HDAC4: variants seen among roughly 807,000 people sequenced by gnomAD.
HDAC4 encodes histone deacetylase A.
In HDAC4, 16 loss-of-function variants were observed where a neutral mutation model predicts 135.1. That is an observed-to-expected ratio of 0.12 (90% CI 0.08 to 0.18). HDAC4 has a LOEUF of 0.18. Ranked by LOEUF, HDAC4 falls within the 10% of genes least tolerant of loss-of-function variation. The pLI, the probability that HDAC4 is intolerant of heterozygous loss-of-function variation, is 1.00. For missense variants in HDAC4, 1,143 were observed against 1,511.8 expected, an observed-to-expected ratio of 0.76 and a Z score of 4.05; for synonymous variants, 685 against 653.4, an observed-to-expected ratio of 1.05 and a Z score of -0.74.
rs1196283967 is a variant in HDAC4, at chr2:239,049,147, CTAGA to C, written c.*3946_*3949del. 2.6e-5 allele frequency: 4 copies of C among 152,332 alleles called. No homozygotes were observed. The highest frequency in any genetic ancestry group is 7.2e-5 in the African/African-American group (3 of 41,440). The allele number at this position is 152,332 out of a possible 1,614,324, so 9.4% of individuals were successfully genotyped here. A position where few individuals can be genotyped will look rare whatever the true frequency, so the allele number is the denominator to read the frequency against. ...CTCTATTATTGGTATGTCACAAGTG[CTAGA>C]TAAACTTTTTTTCTTAATATGACAA... On this transcript the variant is annotated 3_prime_UTR_variant, in exon 27 of 27. Transcript: ENST00000543185.
chr2:239,352,667 C>G lies in HDAC4; in HGVS notation c.22+11G>C. 1 of 1,554,560 alleles carries G rather than the reference C, an allele frequency of 6.4e-7. No homozygotes were observed. ...CGCTGTGTGCCCAGAGAAGAAATGA[C>G]CCGGCCTTACCTGGATGGCTTTGGG... On this transcript the variant is annotated intron_variant, in intron 2 of 26. Coordinates refer to ENST00000543185, the MANE Select transcript of HDAC4 (RefSeq NM_001378414.1). This position sits in a 1 kb window ranked among gnomAD's most constrained non-coding sequence, Gnocchi z 4.4.
intron 24 of HDAC4, among the ~76,000 whole-genome samples, chr2:239,057,726 G>A (rs143258872): frequency 2.0e-4 from 30 of 152,350 alleles, no homozygotes; most frequent in African/African-American, 6.7e-4. Flanking sequence ...AGCTGGGGAA[G>A]TTGACCACAT....
intron 2 of HDAC4, among the ~76,000 whole-genome samples, chr2:239,310,194 A>G (rs2052803355): frequency 6.6e-6 from 1 of 152,144 alleles, no homozygotes; most frequent in South Asian, 2.1e-4. Context: ...AGAACACAAT[A>G]CTTCTTATTA....
At chr2:239,275,151 G>A (rs1446587407) in intron 2 of HDAC4, among the ~76,000 whole-genome samples, 1 of 149,970 alleles carries the variant, frequency 6.7e-6, no homozygotes, top group African/African-American at 2.5e-5. Context: ...GGGGAAGAAA[G>A]GGTGGGGGCC....
rs531413146 is a variant in HDAC4 at position 239,192,710 on chromosome 2, C to T, written c.95-2633G>A. ...CGCGTTCATGGCTGTGATTGGCACG[C>T]GGTTCTCCTGGGACCAGTGCCCTGC... On this transcript the variant is annotated intron_variant, in intron 3 of 26. Coordinates refer to ENST00000543185, the MANE Select transcript of HDAC4 (RefSeq NM_001378414.1). 5.9e-5 allele frequency among the ~76,000 whole-genome samples: 9 copies of T among 152,306 alleles called. No individual in the cohort carries two copies. In the East Asian group the frequency reaches 1.2e-3, roughly 20 times the overall value.
intron 2 of HDAC4, among the ~76,000 whole-genome samples, chr2:239,338,048 T>C (rs888653193): frequency 2.6e-5 from 4 of 152,014 alleles, no homozygotes; most frequent in Non-Finnish European, 5.9e-5. Context: ...TCTGCAGCCT[T>C]GAAGGTGAGG....
intron 22 of HDAC4, 197 bp downstream of exon 22, chr2:239,080,898 G>A (rs2035249942): frequency 8.4e-6 from 5 of 593,232 alleles, no homozygotes; most frequent in Non-Finnish European, 1.5e-5. Flanking sequence ...AGCACTAAGA[G>A]CTGATGGTAA....
At chr2:239,312,909 C>T (rs749222503) in intron 2 of HDAC4, among the ~76,000 whole-genome samples, 5 of 152,204 alleles carry the variant, frequency 3.3e-5, no homozygotes, top group Admixed American at 6.5e-5. Flanking sequence ...CTCTGAAGAC[C>T]GCTCCAGCTC....
intron 7 of HDAC4, among the ~76,000 whole-genome samples, chr2:239,150,431 C>T (rs1451777632): frequency 6.6e-6 from 1 of 151,962 alleles, no homozygotes; most frequent in East Asian, 1.9e-4. Flanking sequence ...ACACACCCCA[C>T]ACACAGAAAC....
chr2:239,252,537 C>A (rs2048841038), intron 2 of HDAC4, among the ~76,000 whole-genome samples: 1 of 152,156 alleles, frequency 6.6e-6, no homozygotes, highest in Non-Finnish European at 1.5e-5. Context: ...AGAGAAAAAT[C>A]AAAAGGCACG....
At position 239,073,011 on chromosome 2, in the gene HDAC4, C is replaced by A. The variant is rs1023588142; in HGVS notation, c.2751-4404G>T. 4.6e-5 allele frequency among the ~76,000 whole-genome samples: 7 copies of A among 152,276 alleles called. No individual in the cohort carries two copies. The East Asian group carries it at 1.4e-3, about 30-fold the overall frequency. ...AGCACGCGGTGCCTGATCCTGGTGC[C>A]CCGCGTCCCATGAGCAAGCTCAGAC... is the stretch of plus-strand genomic sequence containing the variant. On this transcript the variant is annotated intron_variant, in intron 22 of 26. Coordinates refer to ENST00000543185, the MANE Select transcript of HDAC4 (RefSeq NM_001378414.1).
At chr2:239,206,241 T>C (rs960225318) in intron 3 of HDAC4, among the ~76,000 whole-genome samples, 2 of 152,164 alleles carry the variant, frequency 1.3e-5, no homozygotes, top group Non-Finnish European at 2.9e-5. Context: ...GGCGGGAAGA[T>C]GGCCTGAGCG....
Position 239,115,653 on chromosome 2 carries a change from A to G in HDAC4, c.1534-343T>C, listed in dbSNP as rs116314610. On this transcript the variant is annotated intron_variant, in intron 12 of 26. Transcript: ENST00000543185. The surrounding 1 kb of genome is among the most constrained non-coding windows in gnomAD (Gnocchi z 6.3). ...CAGGTGTCAACAGAGTCTGCAGAGG[A>G]GAGCTTGAGTGTGAAGGGGAGAGGC... Among the ~76,000 whole-genome samples, 1,229 of 152,204 alleles carry G rather than the reference A, an allele frequency of 8.1e-3. 14 individuals are homozygous for G. The highest frequency in any genetic ancestry group is 0.028 in the African/African-American group (1,176 of 41,544).
intron 2 of HDAC4, among the ~76,000 whole-genome samples, chr2:239,339,208 G>A (rs1692137542): frequency 6.6e-6 from 1 of 152,202 alleles, no homozygotes; most frequent in South Asian, 2.1e-4. Flanking sequence ...GTCATAAGAG[G>A]GTCTGGGGTT....
chr2:239,184,003 T>C (rs1257688424), intron 4 of HDAC4, among the ~76,000 whole-genome samples: 1 of 126,304 alleles, frequency 7.9e-6, no homozygotes, highest in African/African-American at 3.1e-5. Flanking sequence ...GTGCTCTCCA[T>C]AGCACAAGTC....
At chr2:239,210,992 T>C (rs772320010) in intron 3 of HDAC4, among the ~76,000 whole-genome samples, 2 of 152,170 alleles carry the variant, frequency 1.3e-5, no homozygotes, top group African/African-American at 2.4e-5. Context: ...CCTTTACACA[T>C]GCCATCCTAA....
At chr2:239,183,130 A>G (rs2044260124) in intron 4 of HDAC4, among the ~76,000 whole-genome samples, 1 of 152,228 alleles carries the variant, frequency 6.6e-6, no homozygotes, top group African/African-American at 2.4e-5. Context: ...TTCTTCTAAG[A>G]AAAGCAAAAA....
intron 24 of HDAC4, among the ~76,000 whole-genome samples, chr2:239,060,932 C>T (rs948150291): frequency 3.3e-5 from 5 of 152,238 alleles, no homozygotes; most frequent in East Asian, 1.9e-4. Context: ...CCCAGAGGGA[C>T]GGCCCCGCTG....
chr2:239,252,396 T>C (rs1329936523), intron 2 of HDAC4, among the ~76,000 whole-genome samples: 2 of 152,184 alleles, frequency 1.3e-5, no homozygotes, highest in Non-Finnish European at 2.9e-5. Context: ...GCCATGGACA[T>C]GGCCCACGCC....
Sources: gnomAD v4.1 joint callset for allele counts (sites outside exome capture counted in the v4.1 genomes callset) on GRCh38, gnomAD v4.1.1 for gene constraint, Gnocchi (gnomAD v3.1) non-coding constraint, MANE v1.5 for transcripts, NCBI Gene and HGNC (gene_info 2026-07-23, HGNC 2026-07-21) for gene names.